The following FHIT variants were observed in gnomAD, a reference collection of about 807,000 sequenced individuals.
FHIT encodes the protein bis(5'-adenosyl)-triphosphatase.
In FHIT, 19 loss-of-function variants were observed where a neutral mutation model predicts 17.9. The observed-to-expected ratio is 1.06, with a 90% confidence interval of 0.74 to 1.56. FHIT has a LOEUF of 1.56. FHIT is among the 40% of genes most tolerant of loss of function. The pLI, the probability that FHIT is intolerant of heterozygous loss-of-function variation, is 0.00. For synonymous variants in FHIT, 81 were observed against 69.7 expected (o/e 1.16, Z -0.81); for missense variants, 248 against 189.2 (o/e 1.31, Z -1.82).
chr3:59,817,844 G>A (rs1700656400), intron 8 of FHIT, among the ~76,000 whole-genome samples: 1 of 152,116 alleles, frequency 6.6e-6, no homozygotes, highest in African/African-American at 2.4e-5. Context: ...ATGAGCTGCA[G>A]AACACTTTCA....
At chr3:60,750,704 T>C (rs2042448900) in intron 4 of FHIT, among the ~76,000 whole-genome samples, 1 of 152,178 alleles carries the variant, frequency 6.6e-6, no homozygotes. Context: ...TATATCTTTA[T>C]CAGCAGTGTG....
intron 5 of FHIT, among the ~76,000 whole-genome samples, chr3:60,356,751 G>C (rs868633306): frequency 4.2e-4 from 2 of 4,790 alleles, no homozygotes; most frequent in Admixed American, 2.7e-3. Flanking sequence ...GGAAGACAGA[G>C]ACAAAAAAAA....
chr3:60,157,009 A>C (rs948174645), intron 5 of FHIT, among the ~76,000 whole-genome samples: 2 of 152,072 alleles, frequency 1.3e-5, no homozygotes, highest in Non-Finnish European at 2.9e-5. Context: ...TATTTAAATA[A>C]CTATCCCTTA....
At chr3:60,378,937 G>A (rs149079644) in intron 5 of FHIT, among the ~76,000 whole-genome samples, 77 of 152,300 alleles carry the variant, frequency 5.1e-4, no homozygotes, top group African/African-American at 1.1e-3. Context: ...AATATAGCCC[G>A]TTGCAAGCAC....
intron 5 of FHIT, among the ~76,000 whole-genome samples, chr3:60,230,868 G>C (rs912084560): frequency 6.6e-6 from 1 of 152,108 alleles, no homozygotes; most frequent in South Asian, 2.1e-4. Flanking sequence ...AAACCACCAC[G>C]TCTGGCTAAT....
chr3:60,842,647 T>TATATA lies in FHIT; in HGVS notation c.-110-20637_-110-20636insTATAT, dbSNP rs1406123749. Among the ~76,000 whole-genome samples the TATATA allele has an allele frequency of 1.7e-3, 159 of 92,448 alleles. 1 individual carries two copies. The highest frequency in any genetic ancestry group is 5.6e-3 in the African/African-American group (122 of 21,882). 60.6% of individuals were successfully genotyped at this position (92,448 alleles called of 152,430 possible). A position where few individuals can be genotyped will look rare whatever the true frequency, so the allele number is the denominator to read the frequency against. On this transcript the variant is annotated intron_variant, in intron 3 of 9. Transcript: ENST00000492590. ...TATGAGTGTATATATATATATATAT[T>TATATA]TTTTTTTTTTTTTTTTTCCCTTGCT...
chr3:60,787,790 C>T (rs1044330955), intron 4 of FHIT, among the ~76,000 whole-genome samples: 9 of 152,188 alleles, frequency 5.9e-5, no homozygotes, highest in Non-Finnish European at 1.3e-4. Flanking sequence ...TGAAGCAGAA[C>T]AAAGCAAAGC....
intron 4 of FHIT, among the ~76,000 whole-genome samples, chr3:60,681,018 G>A (rs1033646432): frequency 3.3e-5 from 5 of 152,138 alleles, no homozygotes; most frequent in Non-Finnish European, 7.4e-5. Context: ...ACAAGTGATC[G>A]AGGATATAAT....
At chr3:59,931,771 C>T (rs1053169566) in intron 7 of FHIT, among the ~76,000 whole-genome samples, 1 of 152,148 alleles carries the variant, frequency 6.6e-6, no homozygotes, top group South Asian at 2.1e-4. Context: ...TTAAGCCATA[C>T]ATCACTGGTG....
chr3:60,461,055 C>G (rs2032429084), intron 5 of FHIT, among the ~76,000 whole-genome samples: 2 of 150,892 alleles, frequency 1.3e-5, no homozygotes, highest in South Asian at 4.2e-4. Context: ...TAAGAAAACT[C>G]CCTTAACGTT....
chr3:60,374,463 A>G lies in FHIT; in HGVS notation c.103+162397T>C, dbSNP rs868409330. On this transcript the variant is annotated intron_variant, in intron 5 of 9. Coordinates refer to ENST00000492590, the MANE Select transcript of FHIT (RefSeq NM_002012.4). ...CTAAAAGCTTTACATTTAGGGAAGC[A>G]TATCACTTGGAAAAAAAACACGTTA... Among the ~76,000 whole-genome samples, 17 of 152,006 alleles carry G rather than the reference A, an allele frequency of 1.1e-4. No homozygotes were observed. The Middle Eastern group carries it at 0.01, about 91-fold the overall frequency.
chr3:59,987,928 A>G (rs1448341041), intron 7 of FHIT, among the ~76,000 whole-genome samples: 1 of 152,084 alleles, frequency 6.6e-6, no homozygotes, highest in African/African-American at 2.4e-5. Context: ...AGCTTGAAAT[A>G]TATTTTGAAA....
chr3:60,412,107 G>C (rs1347308022), intron 5 of FHIT, among the ~76,000 whole-genome samples: 5 of 152,018 alleles, frequency 3.3e-5, no homozygotes, highest in Non-Finnish European at 7.4e-5. Flanking sequence ...GGACATGGTG[G>C]CACATACCTG....
At chr3:60,985,288 T>C (rs1161793555) in intron 3 of FHIT, among the ~76,000 whole-genome samples, 1 of 152,180 alleles carries the variant, frequency 6.6e-6, no homozygotes, top group African/African-American at 2.4e-5. Context: ...AAACTCTTCC[T>C]TCATGCTGGA....
chr3:60,151,405 A>G (rs1349374487), intron 5 of FHIT, among the ~76,000 whole-genome samples: 1 of 152,202 alleles, frequency 6.6e-6, no homozygotes, highest in African/African-American at 2.4e-5. Flanking sequence ...TTTCTGAGTT[A>G]CTTCCAAAGC....
chr3:59,873,831 C>T (rs947313762), intron 8 of FHIT, among the ~76,000 whole-genome samples: 32 of 152,176 alleles, frequency 2.1e-4, no homozygotes, highest in African/African-American at 7.7e-4. Flanking sequence ...TTCACTTTCA[C>T]ATGTGTTCCA....
chr3:60,207,909 G>C (rs145920466), intron 5 of FHIT, among the ~76,000 whole-genome samples: 2 of 152,282 alleles, frequency 1.3e-5, no homozygotes, highest in Admixed American at 6.5e-5. Flanking sequence ...ATGCAATTTG[G>C]AATGTAATCT....
At chr3:60,781,804 C>G (rs570271033) in intron 4 of FHIT, among the ~76,000 whole-genome samples, 67 of 152,264 alleles carry the variant, frequency 4.4e-4, no homozygotes, top group African/African-American at 1.6e-3. Flanking sequence ...TCACTTGTAT[C>G]ACTTTGTTCA....
intron 5 of FHIT, among the ~76,000 whole-genome samples, chr3:60,479,271 G>C (rs1174457516): frequency 6.6e-6 from 1 of 152,122 alleles, no homozygotes. Context: ...ACAAAGTTTT[G>C]AGTGTCCTAG....
Sources: gnomAD v4.1 joint callset for allele counts (sites outside exome capture counted in the v4.1 genomes callset) on GRCh38, gnomAD v4.1.1 for gene constraint, MANE v1.5 for transcripts, NCBI Gene and HGNC (gene_info 2026-07-23, HGNC 2026-07-21) for gene names.